Variants in RASSF3 observed in about 807,000 individuals in gnomAD.
The protein encoded by RASSF3 is ras association domain-containing protein 3.
Under a neutral mutation model 19.9 loss-of-function variants are expected in RASSF3, and 19 were observed. The ratio of observed to expected loss-of-function variants is 0.96; its 90% CI spans 0.67 to 1.40. The LOEUF is 1.40. RASSF3 is among the 40% of genes most tolerant of loss of function. The probability of loss-of-function intolerance (pLI) is 0.00; values close to 1 mark genes in which losing one functional copy is unlikely to be tolerated. For synonymous variants in RASSF3, 110 were observed against 104.2 expected, an observed-to-expected ratio of 1.06 and a Z score of -0.34; for missense variants, 306 against 289.8, an observed-to-expected ratio of 1.06 and a Z score of -0.41.
At chr12:64,636,610 A>C (rs1162202140) in intron 1 of RASSF3, among the ~76,000 whole-genome samples, 1 of 151,988 alleles carries the variant, frequency 6.6e-6, no homozygotes, top group Non-Finnish European at 1.5e-5. Flanking sequence ...TCACGCCTGT[A>C]ATCCCAGCAC....
chr12:64,693,445 G>T (rs1041156510), intron 4 of RASSF3, among the ~76,000 whole-genome samples: 1 of 150,964 alleles, frequency 6.6e-6, no homozygotes, highest in Non-Finnish European at 1.5e-5. Flanking sequence ...AAGAGACTAG[G>T]TCTTGCACTG....
intron 3 of RASSF3, among the ~76,000 whole-genome samples, chr12:64,690,557 C>T (rs534562189): frequency 6.6e-6 from 1 of 152,174 alleles, no homozygotes; most frequent in South Asian, 2.1e-4. Context: ...CTCATTGTAA[C>T]CTTGAACTCC....
At chr12:64,516,558 G>A (rs1868369598) in intron 1 of RASSF3, among the ~76,000 whole-genome samples, 1 of 148,582 alleles carries the variant, frequency 6.7e-6, no homozygotes, top group Non-Finnish European at 1.5e-5. Flanking sequence ...GGCGGAGCTT[G>A]CAGTGAGCCG....
chr12:64,690,796 T>A (rs1320535835), intron 3 of RASSF3, among the ~76,000 whole-genome samples: 1 of 152,042 alleles, frequency 6.6e-6, no homozygotes, highest in Non-Finnish European at 1.5e-5. Context: ...TTTTTATTGT[T>A]TTTAAAGGAG....
At chr12:64,573,617 G>A (rs556575758) in intron 2 of RASSF3, among the ~76,000 whole-genome samples, 1 of 152,260 alleles carries the variant, frequency 6.6e-6, no homozygotes, top group South Asian at 2.1e-4. Flanking sequence ...ACTCAGTCAT[G>A]TGTATTTATT....
At chr12:64,549,868 C>T (rs775406871) in intron 2 of RASSF3, among the ~76,000 whole-genome samples, 1 of 152,162 alleles carries the variant, frequency 6.6e-6, no homozygotes, top group Admixed American at 6.5e-5. Flanking sequence ...TTGAGCACTC[C>T]TTGCACAGTC....
At chr12:64,541,649 G>A in exon 2 of RASSF3, 1 of 398,570 alleles carries the variant, frequency 2.5e-6, no homozygotes. Context: ...AAATGGGAAC[G>A]TATCAAGCTG....
intron 2 of RASSF3, among the ~76,000 whole-genome samples, chr12:64,555,617 C>T (rs920438525): frequency 7.3e-5 from 11 of 151,640 alleles, no homozygotes; most frequent in African/African-American, 2.2e-4. Context: ...GGTATGGTGG[C>T]GGGCGCTTAT....
At chr12:64,602,187 G>C (rs1395674630) in intron 2 of RASSF3, among the ~76,000 whole-genome samples, 1 of 151,446 alleles carries the variant, frequency 6.6e-6, no homozygotes, top group Non-Finnish European at 1.5e-5. Flanking sequence ...CTACAATCCT[G>C]GCATTTTGGG....
chr12:64,594,797 G>A (rs963048764), intron 2 of RASSF3, among the ~76,000 whole-genome samples: 5 of 152,032 alleles, frequency 3.3e-5, no homozygotes, highest in South Asian at 2.1e-4. Context: ...ACGGTGGTGG[G>A]TTTTGCTATG....
intron 1 of RASSF3, among the ~76,000 whole-genome samples, chr12:64,649,145 C>G (rs981601020): frequency 2.0e-5 from 3 of 151,580 alleles, no homozygotes; most frequent in Non-Finnish European, 2.9e-5. Flanking sequence ...TTGGTCTGAC[C>G]CTGGAGCTTC....
intron 1 of RASSF3, among the ~76,000 whole-genome samples, chr12:64,658,141 G>A (rs1872223851): frequency 2.0e-5 from 3 of 152,158 alleles, no homozygotes; most frequent in South Asian, 2.1e-4. Flanking sequence ...GAGAGTGCCC[G>A]TCAGATGTCT....
chr12:64,592,481 G>A (rs1426607002), intron 2 of RASSF3, among the ~76,000 whole-genome samples: 1 of 151,846 alleles, frequency 6.6e-6, no homozygotes, highest in Non-Finnish European at 1.5e-5. Context: ...CTTTGATATT[G>A]TTTCCTACAA....
chr12:64,544,177 C>T (rs922273645), downstream of RASSF3, among the ~76,000 whole-genome samples: 8 of 152,244 alleles, frequency 5.3e-5, no homozygotes, highest in South Asian at 2.1e-4. Flanking sequence ...TAACGCCCAC[C>T]GTGAAACGCT....
chr12:64,623,454 A>G (rs1870866049), intron 1 of RASSF3, among the ~76,000 whole-genome samples: 1 of 152,318 alleles, frequency 6.6e-6, no homozygotes, highest in African/African-American at 2.4e-5. Context: ...ATTTAGGGGT[A>G]CTTGACTGTA....
chr12:64,515,260 T>C (rs1383803979), intron 1 of RASSF3, among the ~76,000 whole-genome samples: 1 of 152,146 alleles, frequency 6.6e-6, no homozygotes, highest in Non-Finnish European at 1.5e-5. Flanking sequence ...TTTCACCATG[T>C]TGGCCAGGCT....
downstream of RASSF3, among the ~76,000 whole-genome samples, chr12:64,545,785 G>A (rs1176238856): frequency 6.6e-6 from 1 of 152,134 alleles, no homozygotes; most frequent in East Asian, 1.9e-4. Flanking sequence ...AAATGAGGCA[G>A]GAAGATCGCT....
At chr12:64,548,096 A>C (rs147209478) in intron 2 of RASSF3, among the ~76,000 whole-genome samples, 1 of 152,302 alleles carries the variant, frequency 6.6e-6, no homozygotes, top group Non-Finnish European at 1.5e-5. Flanking sequence ...TTCTCTGAAA[A>C]AGTGAGCTCT....
intron 2 of RASSF3, among the ~76,000 whole-genome samples, chr12:64,549,840 T>A (rs1869128554): frequency 6.6e-6 from 1 of 152,218 alleles, no homozygotes; most frequent in Non-Finnish European, 1.5e-5. Context: ...AATAAATATC[T>A]AATGATTGCT....
Sources: allele counts gnomAD v4.1 joint callset (sites outside exome capture counted in the v4.1 genomes callset), GRCh38; gene constraint gnomAD v4.1.1; transcripts MANE v1.5; gene names NCBI Gene and HGNC (gene_info 2026-07-23, HGNC 2026-07-21).